PRKAA1: variants seen among roughly 807,000 people sequenced by gnomAD.
The protein encoded by PRKAA1 is protein kinase AMP-activated catalytic subunit alpha 1.
In PRKAA1, 23 loss-of-function variants were observed where a neutral mutation model predicts 56.9. The observed-to-expected ratio is 0.40, with a 90% CI of 0.29 to 0.57. The LOEUF (loss-of-function observed/expected upper bound fraction) is 0.57, where lower values mean the gene tolerates loss of function less well. PRKAA1 is among the 20% of genes least tolerant of loss of function. The probability of loss-of-function intolerance (pLI) is 0.39; values close to 1 mark genes in which losing one functional copy is unlikely to be tolerated. For missense variants in PRKAA1, 413 were observed against 679.7 expected (o/e 0.61, Z 4.36); for synonymous variants, 226 against 227.0 (o/e 1.00, Z 0.04).
intron 1 of PRKAA1, chr5:40,790,204 G>C (rs1218290614): frequency 6.6e-6 from 1 of 152,088 alleles, no homozygotes; most frequent in African/African-American, 2.4e-5. Context: ...AGAAAAGGAG[G>C]GTGGATTTTC....
intron 1 of PRKAA1, among the ~76,000 whole-genome samples, chr5:40,788,519 C>T (rs182215654): frequency 1.3e-5 from 2 of 152,190 alleles, no homozygotes; most frequent in Admixed American, 6.5e-5. Context: ...AATGGGATGA[C>T]ATCAAACTAA....
chr5:40,792,875 C>T (rs1310785054), intron 1 of PRKAA1, among the ~76,000 whole-genome samples: 2 of 151,428 alleles, frequency 1.3e-5, no homozygotes, highest in Non-Finnish European at 2.9e-5. Flanking sequence ...CTAACCTGGC[C>T]GACGTGGTGA....
intron 1 of PRKAA1, among the ~76,000 whole-genome samples, chr5:40,781,206 G>A (rs984650971): frequency 2.0e-5 from 3 of 152,108 alleles, no homozygotes; most frequent in Non-Finnish European, 4.4e-5. Flanking sequence ...TAGGGATTCT[G>A]ATTTTTAGAG....
At chr5:40,775,180 A>G (rs1436918230) in intron 3 of PRKAA1, among the ~76,000 whole-genome samples, 1 of 152,228 alleles carries the variant, frequency 6.6e-6, no homozygotes, top group Admixed American at 6.5e-5. Flanking sequence ...CGTTACTGTG[A>G]GCAATCATAT....
At chr5:40,773,253 T>C (rs1356946096) in intron 3 of PRKAA1, among the ~76,000 whole-genome samples, 1 of 152,206 alleles carries the variant, frequency 6.6e-6, no homozygotes, top group East Asian at 1.9e-4. Flanking sequence ...TCTAATACTT[T>C]TATTTCTAGA....
intron 1 of PRKAA1, among the ~76,000 whole-genome samples, chr5:40,788,711 C>CA (rs1292032040): frequency 1.3e-5 from 2 of 152,050 alleles, no homozygotes; most frequent in African/African-American, 4.8e-5. Flanking sequence ...CCTGTAGTCC[C>CA]AGCTACTCAT....
chr5:40,780,126 G>C (rs1168057426), intron 1 of PRKAA1, among the ~76,000 whole-genome samples: 2 of 152,146 alleles, frequency 1.3e-5, no homozygotes, highest in African/African-American at 4.8e-5. Flanking sequence ...GTTTAGACTA[G>C]AGCGGTTGTG....
chr5:40,767,675 T>C lies in PRKAA1; in HGVS notation c.612A>G (p.Pro204=). ...CCCCACTGCTCCATATATCTACCTC[T>C]GGGCCTGCATACAATCTGTAACAGG... The part of the protein sequence containing the change: ...EVISGRLYAG[P]EVDIWSSGVI... Residue 204 remains proline (P), a synonymous_variant, in exon 6 of 9, where the codon CCA becomes CCG. Transcript: ENST00000397128. The C allele has an allele frequency of 1.9e-6, 3 of 1,608,394 alleles. No homozygotes were observed. Among genetic ancestry groups the C allele is most frequent in the Admixed American group, 1.7e-5 (1 of 59,720 alleles).
intron 1 of PRKAA1, among the ~76,000 whole-genome samples, chr5:40,783,843 G>T (rs1366585965): frequency 6.6e-6 from 1 of 152,120 alleles, no homozygotes; most frequent in African/African-American, 2.4e-5. Context: ...GTTGAATAGG[G>T]TTGAACCCCT....
rs575203251 is a variant in PRKAA1 at position 40,771,993 on chromosome 5, T to A, written c.364-130A>T. On this transcript the variant is annotated intron_variant, in intron 3 of 8. Transcript: ENST00000397128. ...CCAATGAACTTCACTTATGAGATAC[T>A]TTTGACATGAGGAGGAGATACCTGC... The A allele has an allele frequency of 1.5e-5, 17 of 1,154,538 alleles. No homozygotes were observed. In the Admixed American group the frequency reaches 2.5e-4, roughly 17 times the overall value. The allele number at this position is 1,154,538 out of a possible 1,614,324, so 71.5% of individuals were successfully genotyped here.
chr5:40,797,858 T>C (rs1420434554), intron 1 of PRKAA1, among the ~76,000 whole-genome samples: 6 of 150,354 alleles, frequency 4.0e-5, no homozygotes, highest in Admixed American at 3.3e-4. Flanking sequence ...GACTGGCCCC[T>C]ACCCCACCCC....
chr5:40,788,743 C>A (rs1017535752), intron 1 of PRKAA1, among the ~76,000 whole-genome samples: 1 of 152,066 alleles, frequency 6.6e-6, no homozygotes, highest in Non-Finnish European at 1.5e-5. Context: ...AAAAGAATCG[C>A]TTGAACCCGG....
In PRKAA1 at chr5:40,764,989, T is replaced by C. The variant is rs746530227; in HGVS notation, c.1071A>G (p.Pro357=). ...EAKDFYLATS[P]PDSFLDDHHL... The stretch of plus-strand genomic sequence containing the variant: ...GATGATCATCAAGAAAAGAATCAGG[T>C]GGGCTTGTCGCCAAATAGAAATCTT... Residue 357 remains proline, a synonymous_variant, in exon 7 of 9, where the codon CCA becomes CCG. Coordinates refer to ENST00000397128, the MANE Select transcript of PRKAA1 (RefSeq NM_006251.6). 1.6e-5 allele frequency: 26 copies of C among 1,614,058 alleles called. No homozygotes were observed. The highest frequency in any genetic ancestry group is 2.1e-5 in the Non-Finnish European group (25 of 1,180,032).
rs1016766314 is a variant in PRKAA1 at position 40,761,063 on chromosome 5, C to T, written c.*1715G>A. 2.6e-5 allele frequency: 4 copies of T among 151,958 alleles called. No individual in the cohort carries two copies. Among genetic ancestry groups the T allele is most frequent in the African/African-American group, 9.7e-5 (4 of 41,358 alleles). The allele number at this position is 151,958 out of a possible 1,614,324, so 9.4% of individuals were successfully genotyped here. ...TGTAAATCAGAAATCTTAGGAAAAT[C>T]CAGTATCTTTAAAAAGTAATTTAAG... On this transcript the variant is annotated 3_prime_UTR_variant, in exon 9 of 9. Transcript: ENST00000397128.
intron 1 of PRKAA1, among the ~76,000 whole-genome samples, chr5:40,792,541 G>A (rs1359705300): frequency 6.6e-6 from 1 of 152,130 alleles, no homozygotes. Flanking sequence ...CATTGTATGA[G>A]TGGTTCTGTA....
chr5:40,790,388 TCA>T (rs1744665141), intron 1 of PRKAA1, among the ~76,000 whole-genome samples: 1 of 152,186 alleles, frequency 6.6e-6, no homozygotes, highest in Admixed American at 6.6e-5. Context: ...CCTTATACCC[TCA>T]CACAGTGACA....
chr5:40,793,612 A>C (rs1744805012), intron 1 of PRKAA1, among the ~76,000 whole-genome samples: 1 of 152,244 alleles, frequency 6.6e-6, no homozygotes, highest in Non-Finnish European at 1.5e-5. Flanking sequence ...CAAATTGTCT[A>C]AACATATGGT....
chr5:40,790,906 T>C (rs952760366), intron 1 of PRKAA1, among the ~76,000 whole-genome samples: 1 of 152,222 alleles, frequency 6.6e-6, no homozygotes, highest in Non-Finnish European at 1.5e-5. Context: ...TTATCACATT[T>C]GAGCATAAAC....
At chr5:40,775,559 A>G in intron 2 of PRKAA1, 56 bp from the exon 3 acceptor site, 5 of 1,355,114 alleles carry the variant, frequency 3.7e-6, no homozygotes, top group Non-Finnish European at 4.2e-6. Flanking sequence ...CATTCATTCA[A>G]TAAATATTTA....
Sources: gnomAD v4.1 joint callset for allele counts (sites outside exome capture counted in the v4.1 genomes callset) on GRCh38, gnomAD v4.1.1 for gene constraint, MANE v1.5 for transcripts, NCBI Gene and HGNC (gene_info 2026-07-23, HGNC 2026-07-21) for gene names.